Variants in EPHA6 observed in about 807,000 individuals in gnomAD.
The protein encoded by EPHA6 is EPH receptor A6, also known as ephrin type-A receptor 6.
Under a neutral mutation model 112.0 loss-of-function variants are expected in EPHA6, and 50 were observed. The ratio of observed to expected loss-of-function variants is 0.45; its 90% confidence interval spans 0.36 to 0.56. The LOEUF (loss-of-function observed/expected upper bound fraction) is 0.56. Ranked by LOEUF, EPHA6 falls within the 20% of genes least tolerant of loss-of-function variation. The pLI is 0.00. For missense variants in EPHA6, 1,280 were observed against 1,417.4 expected (o/e 0.90, Z 1.56); for synonymous variants, 529 against 490.7 (o/e 1.08, Z -1.03).
At chr3:97,496,113 A>C (rs1187213554) in intron 10 of EPHA6, among the ~76,000 whole-genome samples, 1 of 152,142 alleles carries the variant, frequency 6.6e-6, no homozygotes, top group Non-Finnish European at 1.5e-5. Context: ...TGGTGGACTA[A>C]ATGAATTCAC....
intron 3 of EPHA6, among the ~76,000 whole-genome samples, chr3:97,180,603 G>A (rs1048718058): frequency 2.6e-5 from 4 of 152,146 alleles, no homozygotes; most frequent in Non-Finnish European, 4.4e-5. Flanking sequence ...TTTCCTTCAA[G>A]GTAGCAGGTT....
At chr3:97,113,340 T>C (rs2047779799) in intron 3 of EPHA6, among the ~76,000 whole-genome samples, 2 of 152,072 alleles carry the variant, frequency 1.3e-5, no homozygotes, top group African/African-American at 4.8e-5. Flanking sequence ...CAGAGTGAGA[T>C]GCAGAATTGA....
chr3:97,485,575 T>C (rs2091679470), intron 10 of EPHA6, among the ~76,000 whole-genome samples: 1 of 152,186 alleles, frequency 6.6e-6, no homozygotes, highest in Admixed American at 6.5e-5. Context: ...CACAAGGGCC[T>C]TTATGTTCAT....
chr3:97,315,825 G>A (rs1033117969), intron 5 of EPHA6, among the ~76,000 whole-genome samples: 2 of 151,764 alleles, frequency 1.3e-5, no homozygotes, highest in Non-Finnish European at 1.5e-5. Context: ...GAAAGTGCAA[G>A]AGCCAGTATT....
At chr3:97,345,912 T>G (rs1368021403) in intron 5 of EPHA6, among the ~76,000 whole-genome samples, 2 of 152,132 alleles carry the variant, frequency 1.3e-5, no homozygotes, top group Non-Finnish European at 2.9e-5. Context: ...GCTGCCTTAA[T>G]ACCCACTGGC....
chr3:97,685,086 C>A (rs1315914723), intron 14 of EPHA6, among the ~76,000 whole-genome samples: 4 of 152,054 alleles, frequency 2.6e-5, no homozygotes, highest in Non-Finnish European at 4.4e-5. Context: ...ATAGGTTTTC[C>A]CAAATTTAGC....
chr3:97,500,390 T>C (rs1238207780), intron 10 of EPHA6, among the ~76,000 whole-genome samples: 3 of 151,946 alleles, frequency 2.0e-5, no homozygotes, highest in East Asian at 3.9e-4. Flanking sequence ...AGGAAATATA[T>C]AGTAATGGTG....
At chr3:97,076,101 A>T (rs2046515461) in intron 3 of EPHA6, among the ~76,000 whole-genome samples, 1 of 152,252 alleles carries the variant, frequency 6.6e-6, no homozygotes, top group Admixed American at 6.6e-5. Flanking sequence ...TGAAAGGAAG[A>T]GTGTCACATC....
At chr3:96,993,478 C>T (rs28581564) in intron 3 of EPHA6, among the ~76,000 whole-genome samples, 2,677 of 152,118 alleles carry the variant, frequency 0.018, 68 homozygotes, top group African/African-American at 0.05. Flanking sequence ...CCTGATCTGC[C>T]TGCCTCGGCC....
chr3:97,537,327 A>C (rs1348993510), intron 11 of EPHA6, among the ~76,000 whole-genome samples: 2 of 152,040 alleles, frequency 1.3e-5, no homozygotes, highest in Non-Finnish European at 2.9e-5. Context: ...TTCTTCCCCC[A>C]AACCCAAGAA....
intron 3 of EPHA6, among the ~76,000 whole-genome samples, chr3:97,148,328 T>C (rs910911605): frequency 3.3e-5 from 5 of 151,952 alleles, no homozygotes; most frequent in African/African-American, 9.7e-5. Context: ...TAAAAATTGG[T>C]TGGATGTGGT....
chr3:96,891,175 A>G (rs1036914049), intron 2 of EPHA6, among the ~76,000 whole-genome samples: 1 of 152,216 alleles, frequency 6.6e-6, no homozygotes, highest in African/African-American at 2.4e-5. Context: ...CTTTACAAAG[A>G]AACGTGGACA....
intron 2 of EPHA6, 39 bp downstream of exon 2, chr3:96,866,928 A>G (rs2036349435): frequency 3.3e-6 from 4 of 1,223,636 alleles, no homozygotes; most frequent in South Asian, 1.7e-5. Flanking sequence ...TCTTTTTTAG[A>G]TTTTTAAGAT....
At chr3:96,915,947 G>C (rs192446963) in intron 2 of EPHA6, among the ~76,000 whole-genome samples, 1 of 152,106 alleles carries the variant, frequency 6.6e-6, no homozygotes, top group Non-Finnish European at 1.5e-5. Context: ...TTCTAGAGAT[G>C]CAAAGTGGTA....
At chr3:97,478,833 G>A (rs1280862207) in intron 8 of EPHA6, among the ~76,000 whole-genome samples, 1 of 152,004 alleles carries the variant, frequency 6.6e-6, no homozygotes, top group Non-Finnish European at 1.5e-5. Flanking sequence ...GAAATCTTGA[G>A]AGCATGGTTA....
chr3:97,227,328 C>A (rs554420236), intron 4 of EPHA6, among the ~76,000 whole-genome samples: 1 of 151,684 alleles, frequency 6.6e-6, no homozygotes, highest in African/African-American at 2.4e-5. Flanking sequence ...TCAAGCGATT[C>A]TCCTGCCTCA....
intron 10 of EPHA6, among the ~76,000 whole-genome samples, chr3:97,508,371 C>T (rs1232715421): frequency 6.6e-6 from 1 of 152,118 alleles, no homozygotes; most frequent in African/African-American, 2.4e-5. Context: ...TGTCTTTGTT[C>T]TAATTTGTTT....
chr3:97,506,540 T>C (rs2092257514), intron 10 of EPHA6, among the ~76,000 whole-genome samples: 1 of 152,206 alleles, frequency 6.6e-6, no homozygotes, highest in Non-Finnish European at 1.5e-5. Context: ...AGTTGGTCTA[T>C]ATATCTGTTT....
chr3:97,325,456 G>A (rs199971105), intron 5 of EPHA6, among the ~76,000 whole-genome samples: 1 of 152,054 alleles, frequency 6.6e-6, no homozygotes, highest in African/African-American at 2.4e-5. Context: ...TTGGATTAGG[G>A]CTCACTCTTA....
Sources: allele counts gnomAD v4.1 joint callset (sites outside exome capture counted in the v4.1 genomes callset), GRCh38; gene constraint gnomAD v4.1.1; transcripts MANE v1.5; gene names NCBI Gene and HGNC (gene_info 2026-07-23, HGNC 2026-07-21).